The following TRPA1 variants were observed in gnomAD, a reference collection of about 807,000 sequenced individuals.
TRPA1 encodes the protein transient receptor potential cation channel subfamily A member 1.
In TRPA1, 129 loss-of-function variants were observed where a neutral mutation model predicts 131.3. That is an observed-to-expected ratio of 0.98 (90% CI 0.85 to 1.14). The LOEUF (loss-of-function observed/expected upper bound fraction) is 1.14, where lower values mean the gene tolerates loss of function less well. Ranked by LOEUF, TRPA1 falls within the 50% of genes most tolerant of loss-of-function variation. The probability of loss-of-function intolerance (pLI) is 0.00; values close to 1 mark genes in which losing one functional copy is unlikely to be tolerated. For synonymous variants in TRPA1, 441 were observed against 451.7 expected (o/e 0.98, Z 0.30); for missense variants, 1,304 against 1,354.2 (o/e 0.96, Z 0.58).
In TRPA1 at chr8:72,064,821, G is replaced by GCCAGAAGC. The variant is rs1563402759; in HGVS notation, c.552+629_552+630insGCTTCTGG. ...TAACAGCACACTCAGATGGAGCACT[G>GCCAGAAGC]AGGAAGTCATGTAGACAATCATCTC... On this transcript the variant is annotated intron_variant, in intron 4 of 26. Transcript: ENST00000262209. 1.9e-4 allele frequency among the ~76,000 whole-genome samples: 3 copies of GCCAGAAGC among 15,546 alleles called. No homozygotes were observed. The African/African-American group carries it at 7.0e-3, about 36-fold the overall frequency. 10.2% of individuals were successfully genotyped at this position (15,546 alleles called of 152,430 possible). A position where few individuals can be genotyped will look rare whatever the true frequency, so the allele number is the denominator to read the frequency against.
chr8:72,037,298 A>G (rs1170618393), intron 20 of TRPA1, among the ~76,000 whole-genome samples: 2 of 152,150 alleles, frequency 1.3e-5, no homozygotes, highest in African/African-American at 4.8e-5. Context: ...GTGTTGTATA[A>G]AAGACATATG....
intron 12 of TRPA1, chr8:72,054,872 C>T (rs1027617504): frequency 6.6e-6 from 1 of 152,330 alleles, no homozygotes; most frequent in Non-Finnish European, 1.5e-5. Context: ...TTTAATTATG[C>T]CACATATTTT....
chr8:72,029,187 T>G (rs1811715020), intron 24 of TRPA1, among the ~76,000 whole-genome samples: 1 of 152,230 alleles, frequency 6.6e-6, no homozygotes, highest in Non-Finnish European at 1.5e-5. Context: ...ACCTCATGGA[T>G]GCAGTTAAAA....
At chr8:72,046,488 T>C (rs997935272) in intron 17 of TRPA1, 25 bp downstream of exon 17, 2 of 1,336,380 alleles carry the variant, frequency 1.5e-6, no homozygotes, top group Non-Finnish European at 2.1e-6. Flanking sequence ...AGAAACTATT[T>C]AGATAATGAA....
intron 20 of TRPA1, among the ~76,000 whole-genome samples, chr8:72,037,179 C>T (rs971199840): frequency 7.2e-5 from 11 of 152,022 alleles, no homozygotes; most frequent in East Asian, 3.9e-4. Context: ...TATGAAAGTA[C>T]TTGCAATGTA....
intron 24 of TRPA1, 162 bp downstream of exon 24, chr8:72,029,739 A>G (rs1355451339): frequency 2.7e-6 from 2 of 753,426 alleles, no homozygotes; most frequent in African/African-American, 1.7e-5. Context: ...AGTCAGCCAC[A>G]TGATCAGGAG....
chr8:72,045,550 A>C (rs572481114), intron 17 of TRPA1, among the ~76,000 whole-genome samples: 69 of 149,044 alleles, frequency 4.6e-4, no homozygotes, highest in African/African-American at 1.6e-3. Flanking sequence ...GCCACATGCA[A>C]CTATTGGTTC....
At chr8:72,062,723 T>C in intron 6 of TRPA1, 76 bp downstream of exon 6, 1 of 1,421,216 alleles carries the variant, frequency 7.0e-7, no homozygotes, top group Non-Finnish European at 9.9e-7. Context: ...AAATTAACTG[T>C]AAAAGAGCTA....
rs769003797 is a variant in TRPA1 at position 72,033,928 on chromosome 8, T to C, written c.2686-102A>G. The C allele has an allele frequency of 7.5e-5, 89 of 1,186,004 alleles. 1 individual carries two copies. Among genetic ancestry groups the C allele is most frequent in the Non-Finnish European group, 1.1e-4 (87 of 813,244 alleles). The allele number at this position is 1,186,004 out of a possible 1,614,324, so 73.5% of individuals were successfully genotyped here. On this transcript the variant is annotated intron_variant, in intron 22 of 26. Transcript: ENST00000262209. ...AAAAACTATATTCAGAATACTTTTTTAAAGTCATAGGCATATAGCTGTTGA... is the reference window on the plus strand; with the variant it reads ...AAAAACTATATTCAGAATACTTTTTCAAAGTCATAGGCATATAGCTGTTGA...
At chr8:72,050,493 A>G (rs1314247729) in intron 15 of TRPA1, among the ~76,000 whole-genome samples, 1 of 152,224 alleles carries the variant, frequency 6.6e-6, no homozygotes, top group East Asian at 1.9e-4. Flanking sequence ...CGAAACATAT[A>G]CAAAAGCTTT....
Position 72,056,138 on chromosome 8 carries a change from A to G in TRPA1, c.1195-283T>C, listed in dbSNP as rs553876192. ...ATGTACTTAACATTTTTAACTCAGC[A>G]TTTTTCAAATATATTTGATCATGGC... is the stretch of plus-strand genomic sequence containing the variant. On this transcript the variant is annotated intron_variant, in intron 10 of 26. Transcript: ENST00000262209. 3.6e-4 allele frequency: 165 copies of G among 452,754 alleles called. 1 individual carries two copies. Among genetic ancestry groups the G allele is most frequent in the East Asian group, 2.2e-3 (50 of 23,210 alleles). 28.0% of individuals were successfully genotyped at this position (452,754 alleles called of 1,614,324 possible).
chr8:72,033,581 G>T, intron 23 of TRPA1, 63 bp downstream of exon 23: 2 of 1,453,562 alleles, frequency 1.4e-6, no homozygotes, highest in South Asian at 1.2e-5. Flanking sequence ...AGTTAAAAAT[G>T]ATTATCATTA....
intron 8 of TRPA1, among the ~76,000 whole-genome samples, chr8:72,058,263 A>G (rs1197947145): frequency 6.6e-6 from 1 of 152,212 alleles, no homozygotes; most frequent in East Asian, 1.9e-4. Flanking sequence ...TTGGAAATAG[A>G]TGAACTGAAA....
chr8:72,065,118 C>A (rs2129436330), intron 4 of TRPA1, among the ~76,000 whole-genome samples: 1 of 152,298 alleles, frequency 6.6e-6, no homozygotes, highest in South Asian at 2.1e-4. Flanking sequence ...TTTGATCCAT[C>A]TTTATAACAT....
intron 24 of TRPA1, chr8:72,029,677 G>A (rs1811736843): frequency 1.6e-6 from 1 of 637,636 alleles, no homozygotes; most frequent in South Asian, 1.8e-5. Flanking sequence ...TGGGCTAGCA[G>A]TATGTGGTAT....
At chr8:72,032,807 A>G (rs916053247) in intron 23 of TRPA1, among the ~76,000 whole-genome samples, 3 of 147,160 alleles carry the variant, frequency 2.0e-5, no homozygotes, top group Non-Finnish European at 3.1e-5. Context: ...ATACTCACAC[A>G]TCTGCATAAT....
At chr8:72,023,504 A>G in intron 26 of TRPA1, 1 of 413,850 alleles carries the variant, frequency 2.4e-6, no homozygotes, top group Non-Finnish European at 4.4e-6. Context: ...GATCTTCAGA[A>G]GCTTTCAGAG....
intron 23 of TRPA1, among the ~76,000 whole-genome samples, chr8:72,033,172 G>A (rs116803732): frequency 6.6e-6 from 1 of 152,214 alleles, no homozygotes; most frequent in Admixed American, 6.5e-5. Context: ...TTCGAGCATA[G>A]AGATATGTTC....
At chr8:72,080,319 A>C (rs114384769), upstream of TRPA1, among the ~76,000 whole-genome samples, 5,817 of 151,828 alleles carry the variant, frequency 0.038, 371 homozygotes, top group African/African-American at 0.13. Flanking sequence ...ATATTTTATA[A>C]TTTGTTTTTA....
Sources: allele counts gnomAD v4.1 joint callset (sites outside exome capture counted in the v4.1 genomes callset), GRCh38; gene constraint gnomAD v4.1.1; transcripts MANE v1.5; gene names NCBI Gene and HGNC (gene_info 2026-07-23, HGNC 2026-07-21).